Variants in MSANTD5 observed in about 807,000 individuals in gnomAD.
MSANTD5 encodes Myb/SANT DNA binding domain containing 5.
chr5:178,705,623 T>G, the MSANTD5 span, among the ~76,000 whole-genome samples: 1 of 152,056 alleles, frequency 6.6e-6, no homozygotes, highest in Non-Finnish European at 1.5e-5. Flanking sequence ...GCACAAGGAT[T>G]TGGAAGGATT....
the MSANTD5 span, chr5:178,707,289 C>A: frequency 6.6e-6 from 1 of 152,184 alleles, no homozygotes; most frequent in South Asian, 2.1e-4. Flanking sequence ...AGGAAGGGAA[C>A]AATTTCATGA....
At chr5:178,703,314 C>T in the MSANTD5 span, among the ~76,000 whole-genome samples, 1 of 152,188 alleles carries the variant, frequency 6.6e-6, no homozygotes, top group Non-Finnish European at 1.5e-5. Flanking sequence ...GTGTGATGCG[C>T]TTGGCTTGCA....
intron 1 of MSANTD5, among the ~76,000 whole-genome samples, chr5:178,696,414 C>T (rs888074172): frequency 7.9e-5 from 12 of 151,968 alleles, no homozygotes; most frequent in Non-Finnish European, 1.3e-4. Context: ...TTAGTAGAGA[C>T]GTTGTTTCAC....
At chr5:178,691,706 A>G (rs146171938), downstream of MSANTD5, among the ~76,000 whole-genome samples, 19 of 137,310 alleles carry the variant, frequency 1.4e-4, 4 homozygotes, top group Admixed American at 3.7e-4. Flanking sequence ...CAGTAAAAAC[A>G]AAAATCCAAT....
At chr5:178,703,458 G>T in the MSANTD5 span, among the ~76,000 whole-genome samples, 1 of 152,176 alleles carries the variant, frequency 6.6e-6, no homozygotes, top group Non-Finnish European at 1.5e-5. Context: ...CAAGCCTAAT[G>T]GTCCAGTATA....
intron 1 of MSANTD5, among the ~76,000 whole-genome samples, chr5:178,697,178 G>A (rs1428256682): frequency 1.3e-5 from 2 of 152,168 alleles, no homozygotes; most frequent in African/African-American, 4.8e-5. Context: ...TGCCTTAGAG[G>A]ATAAGGTGGC....
chr5:178,697,306 T>G (rs971260982), intron 1 of MSANTD5, among the ~76,000 whole-genome samples: 7 of 150,862 alleles, frequency 4.6e-5, no homozygotes, highest in Admixed American at 1.3e-4. Context: ...TACAAAAAAT[T>G]AGCCGGGCGT....
intron 1 of MSANTD5, 136 bp downstream of exon 1, chr5:178,697,450 T>G (rs1411983376): frequency 2.0e-5 from 3 of 152,010 alleles, no homozygotes; most frequent in Non-Finnish European, 4.4e-5. Context: ...CGAGACTCCG[T>G]CTCAAAAATA....
At chr5:178,700,111 T>A (rs2113856527), upstream of MSANTD5, among the ~76,000 whole-genome samples, 1 of 152,248 alleles carries the variant, frequency 6.6e-6, no homozygotes, top group East Asian at 1.9e-4. Context: ...CAGTCACCCA[T>A]CAGGCCCGCT....
At chr5:178,705,873 C>T in the MSANTD5 span, among the ~76,000 whole-genome samples, 20 of 152,244 alleles carry the variant, frequency 1.3e-4, no homozygotes, top group African/African-American at 3.8e-4. Flanking sequence ...AGGGGAAAGG[C>T]GTGAACCCGG....
intron 2 of MSANTD5, among the ~76,000 whole-genome samples, 179 bp from the exon 3 acceptor site, chr5:178,695,777 T>C (rs1346559908): frequency 1.3e-5 from 2 of 152,214 alleles, no homozygotes; most frequent in Non-Finnish European, 2.9e-5. Flanking sequence ...ACACATCCAG[T>C]CACTGGGACA....
chr5:178,705,986 T>G, the MSANTD5 span, among the ~76,000 whole-genome samples: 2 of 152,100 alleles, frequency 1.3e-5, no homozygotes, highest in South Asian at 4.2e-4. Context: ...GGTTGTCTTA[T>G]TTTGCACGAA....
the MSANTD5 span, among the ~76,000 whole-genome samples, chr5:178,704,125 T>C: frequency 6.6e-6 from 1 of 152,196 alleles, no homozygotes; most frequent in African/African-American, 2.4e-5. Flanking sequence ...ACCAGTTATT[T>C]CAATACCAAT....
At chr5:178,707,212 A>ATC in the MSANTD5 span, 2 of 152,158 alleles carry the variant, frequency 1.3e-5, no homozygotes, top group African/African-American at 4.8e-5. Context: ...GAAGAATAGA[A>ATC]GAATATCGAA....
At chr5:178,691,985 T>C (rs1193008560), downstream of MSANTD5, among the ~76,000 whole-genome samples, 3 of 127,592 alleles carry the variant, frequency 2.4e-5, no homozygotes, top group East Asian at 2.0e-4. Context: ...AAAATGCTGG[T>C]GAGGATATGG....
chr5:178,706,013 C>G, the MSANTD5 span, among the ~76,000 whole-genome samples: 3 of 152,040 alleles, frequency 2.0e-5, no homozygotes, highest in Admixed American at 1.3e-4. Context: ...TCCATTATTT[C>G]TGAATTCTTT....
At chr5:178,699,156 C>A (rs535063386), upstream of MSANTD5, among the ~76,000 whole-genome samples, 7 of 151,990 alleles carry the variant, frequency 4.6e-5, no homozygotes, top group Admixed American at 6.6e-5. Context: ...TAATGAACAC[C>A]GTCTTCTTCC....
At chr5:178,705,315 G>C in the MSANTD5 span, among the ~76,000 whole-genome samples, 56 of 152,116 alleles carry the variant, frequency 3.7e-4, 1 homozygote, top group East Asian at 9.4e-3. Flanking sequence ...CAAAGTGATG[G>C]GATTACAGGC....
At chr5:178,698,202 AAGG>A (rs1765439938), upstream of MSANTD5, among the ~76,000 whole-genome samples, 2 of 152,324 alleles carry the variant, frequency 1.3e-5, no homozygotes, top group South Asian at 4.1e-4. Context: ...TCAGATTAAA[AAGG>A]AGTTTAGGGT....
Sources: allele counts gnomAD v4.1 joint callset (sites outside exome capture counted in the v4.1 genomes callset), GRCh38; gene constraint gnomAD v4.1.1; transcripts MANE v1.5; gene names NCBI Gene and HGNC (gene_info 2026-07-23, HGNC 2026-07-21).